NFASC: variants seen among roughly 807,000 people sequenced by gnomAD.
NFASC encodes the protein neurofascin homolog.
In NFASC, 43 loss-of-function variants were observed where a neutral mutation model predicts 147.5. The observed-to-expected ratio is 0.29, with a 90% confidence interval of 0.23 to 0.38. NFASC has a LOEUF of 0.38. Among genes scored for constraint, NFASC ranks in the 10% least tolerant of loss-of-function variants. The pLI is 1.00. For missense variants in NFASC, 1,320 were observed against 1,689.0 expected, an observed-to-expected ratio of 0.78 and a Z score of 3.83; for synonymous variants, 622 against 665.5, an observed-to-expected ratio of 0.93 and a Z score of 1.01.
chr1:204,876,606 T>C (rs970010501), intron 1 of NFASC, among the ~76,000 whole-genome samples: 1 of 152,050 alleles, frequency 6.6e-6, no homozygotes, highest in Non-Finnish European at 1.5e-5. Flanking sequence ...ACCTCCTCAT[T>C]CTCCCCTCCT....
At chr1:204,944,431 CT>C (rs758124063) in intron 3 of NFASC, 25 bp downstream of exon 3, 17 of 826,284 alleles carry the variant, frequency 2.1e-5, no homozygotes, top group East Asian at 5.6e-5. Context: ...ATTCTCTTCT[CT>C]TTTTTTTCCT....
chr1:204,891,955 C>T (rs12405099), intron 1 of NFASC, among the ~76,000 whole-genome samples: 39,213 of 152,058 alleles, frequency 0.26, 8,644 homozygotes, highest in East Asian at 0.72. Context: ...CAGCCCTAGC[C>T]TCCATGGAGC....
At chr1:204,977,363 A>C (rs1574040341) in intron 16 of NFASC, among the ~76,000 whole-genome samples, 1 of 152,056 alleles carries the variant, frequency 6.6e-6, no homozygotes, top group African/African-American at 2.4e-5. Context: ...GTCCTCTGTC[A>C]CCTCTGCCTC....
intron 1 of NFASC, among the ~76,000 whole-genome samples, chr1:204,875,589 G>C: frequency 6.6e-6 from 1 of 152,118 alleles, no homozygotes; most frequent in East Asian, 1.9e-4. Context: ...GGGAGGCCTC[G>C]AGGGCTGGAG....
rs1029652011 is a variant in NFASC at position 204,857,999 on chromosome 1, G to A, written c.-200+29217G>A. Among the ~76,000 whole-genome samples the A allele has an allele frequency of 4.2e-5, 6 of 144,068 alleles. No individual in the cohort carries two copies. The South Asian group carries it at 6.5e-4, about 16-fold the overall frequency. 94.5% of individuals were successfully genotyped at this position (144,068 alleles called of 152,430 possible). Reference sequence around the variant, plus strand: ...CAATGGCGCGATCTCAGCTTACTACGGCCTCCACCTCCGGGGTTCAAGCAA... The same window carrying A: ...CAATGGCGCGATCTCAGCTTACTACAGCCTCCACCTCCGGGGTTCAAGCAA... On this transcript the variant is annotated intron_variant, in intron 1 of 29. Coordinates refer to ENST00000339876, the MANE Select transcript of NFASC (RefSeq NM_001005388.3).
intron 1 of NFASC, among the ~76,000 whole-genome samples, chr1:204,879,269 A>G (rs1040274358): frequency 1.3e-5 from 2 of 152,258 alleles, no homozygotes; most frequent in African/African-American, 4.8e-5. Context: ...ATAATAGTGA[A>G]TAACTAACAT....
intron 28 of NFASC, among the ~76,000 whole-genome samples, chr1:205,012,409 C>T (rs1276553043): frequency 1.3e-5 from 2 of 152,242 alleles, no homozygotes; most frequent in Non-Finnish European, 2.9e-5. Context: ...CATGAAAAAA[C>T]GTCCACAAAT....
intron 1 of NFASC, among the ~76,000 whole-genome samples, chr1:204,838,099 C>T (rs1471300574): frequency 1.3e-5 from 2 of 152,194 alleles, no homozygotes; most frequent in Admixed American, 1.3e-4. Context: ...AATGAAACAT[C>T]TAAATGCTTT....
At chr1:204,888,043 A>ACCCCTT (rs2081655803) in intron 1 of NFASC, among the ~76,000 whole-genome samples, 2 of 152,338 alleles carry the variant, frequency 1.3e-5, no homozygotes, top group Non-Finnish European at 2.9e-5. Flanking sequence ...TTGTGATAAA[A>ACCCCTT]GAGACCCTGT....
chr1:204,900,686 G>T (rs1454293285), intron 1 of NFASC, among the ~76,000 whole-genome samples: 1 of 152,160 alleles, frequency 6.6e-6, no homozygotes. Flanking sequence ...AGTGCTGGGG[G>T]AGGTGGTTTG....
intron 28 of NFASC, 49 bp from the exon 29 acceptor site, chr1:205,012,748 C>A: frequency 7.5e-7 from 1 of 1,339,034 alleles, no homozygotes; most frequent in Non-Finnish European, 1.1e-6. Flanking sequence ...AGAGCAGGGG[C>A]ATGTACTTAA....
chr1:204,929,942 C>T (rs954345655), intron 2 of NFASC, among the ~76,000 whole-genome samples: 9 of 152,164 alleles, frequency 5.9e-5, no homozygotes, highest in African/African-American at 2.2e-4. Flanking sequence ...TCTGTTGCAT[C>T]GTTCCTTCCT....
intron 1 of NFASC, among the ~76,000 whole-genome samples, chr1:204,900,994 T>C (rs891936730): frequency 6.6e-6 from 1 of 151,984 alleles, no homozygotes; most frequent in African/African-American, 2.4e-5. Flanking sequence ...CTTTTAAAGA[T>C]GAAGGCACTA....
intron 29 of NFASC, among the ~76,000 whole-genome samples, chr1:205,013,110 A>G (rs1161238304): frequency 6.6e-6 from 1 of 152,224 alleles, no homozygotes; most frequent in Non-Finnish European, 1.5e-5. Context: ...TGCCCGACAC[A>G]TGCGTGCATT....
At chr1:204,918,383 T>C (rs547319933) in intron 1 of NFASC, among the ~76,000 whole-genome samples, 1 of 152,272 alleles carries the variant, frequency 6.6e-6, no homozygotes, top group Admixed American at 6.5e-5. Flanking sequence ...TACCTCCTTT[T>C]AGTGTTAGTG....
rs879366843 is a variant in NFASC at position 204,846,509 on chromosome 1, T to A, written c.-200+17727T>A. Among the ~76,000 whole-genome samples the A allele has an allele frequency of 2.6e-5, 4 of 152,156 alleles. No homozygotes were observed. The East Asian group carries it at 7.7e-4, about 29-fold the overall frequency. On this transcript the variant is annotated intron_variant, in intron 1 of 29. Coordinates refer to ENST00000339876, the MANE Select transcript of NFASC (RefSeq NM_001005388.3). ...TGGTAGCCATCTCCTGACTTTGGCC[T>A]GTGGATTTCTAGCCTAGTTCTCTCC...
intron 8 of NFASC, among the ~76,000 whole-genome samples, chr1:204,963,868 A>G (rs1189952035): frequency 6.6e-6 from 1 of 152,250 alleles, no homozygotes; most frequent in East Asian, 1.9e-4. Flanking sequence ...AAAAGTGCCC[A>G]GGGCATCTGT....
chr1:204,993,810 C>T (rs2095792716), intron 24 of NFASC: 1 of 516,956 alleles, frequency 1.9e-6, no homozygotes, highest in Non-Finnish European at 3.9e-6. Flanking sequence ...GTAAGCCCTA[C>T]TTCTCAGCTT....
At chr1:204,834,243 C>A (rs1673055055) in intron 1 of NFASC, among the ~76,000 whole-genome samples, 1 of 151,682 alleles carries the variant, frequency 6.6e-6, no homozygotes, top group African/African-American at 2.4e-5. Flanking sequence ...GCATGAGGGG[C>A]CTTCAACTTC....
Sources: gnomAD v4.1 joint callset for allele counts (sites outside exome capture counted in the v4.1 genomes callset) on GRCh38, gnomAD v4.1.1 for gene constraint, MANE v1.5 for transcripts, NCBI Gene and HGNC (gene_info 2026-07-23, HGNC 2026-07-21) for gene names.